Variants in IPO7 observed in about 807,000 individuals in gnomAD.
IPO7 encodes the protein importin-7.
IPO7 carries 13 observed loss-of-function variants against 136.4 expected under a neutral mutation model. The ratio of observed to expected loss-of-function variants is 0.10; its 90% CI spans 0.06 to 0.15. The LOEUF is 0.15. Ranked by LOEUF, IPO7 falls within the 10% of genes least tolerant of loss-of-function variation. IPO7 has a pLI of 1.00. For missense variants in IPO7, 857 were observed against 1,240.6 expected, an observed-to-expected ratio of 0.69 and a Z score of 4.65; for synonymous variants, 403 against 404.4, an observed-to-expected ratio of 1.00 and a Z score of 0.04.
intron 1 of IPO7, among the ~76,000 whole-genome samples, chr11:9,396,591 A>G (rs1854712593): frequency 6.6e-6 from 1 of 152,244 alleles, no homozygotes; most frequent in South Asian, 2.1e-4. Context: ...CCCCGACCCC[A>G]TTCCTAGCCC....
At chr11:9,434,781 C>G (rs1855347211) in intron 18 of IPO7, among the ~76,000 whole-genome samples, 153 bp from the exon 19 acceptor site, 1 of 152,174 alleles carries the variant, frequency 6.6e-6, no homozygotes, top group South Asian at 2.1e-4. Context: ...TCCTGAGCAA[C>G]AGAGTGAGAG....
intron 1 of IPO7, among the ~76,000 whole-genome samples, chr11:9,391,889 C>T (rs1425176529): frequency 1.3e-5 from 2 of 152,092 alleles, no homozygotes; most frequent in Admixed American, 6.6e-5. Flanking sequence ...GCCTTAGCCT[C>T]CCAACTAGCT....
intron 16 of IPO7, among the ~76,000 whole-genome samples, chr11:9,432,562 A>G (rs1855311133): frequency 6.6e-6 from 1 of 152,126 alleles, no homozygotes; most frequent in African/African-American, 2.4e-5. Context: ...GACCAATCCT[A>G]TAGGTGCTTT....
At chr11:9,425,751 C>T (rs1415226156) in intron 12 of IPO7, among the ~76,000 whole-genome samples, 13 of 151,982 alleles carry the variant, frequency 8.6e-5, no homozygotes, top group Non-Finnish European at 1.3e-4. Context: ...TGGTGGCTGG[C>T]GCCTGTAGTC....
At chr11:9,385,036 A>G (rs949968998) in intron 1 of IPO7, among the ~76,000 whole-genome samples, 189 bp downstream of exon 1, 7 of 152,092 alleles carry the variant, frequency 4.6e-5, no homozygotes, top group African/African-American at 1.7e-4. Context: ...GGCTGCAGCC[A>G]AGGCTGCCTT....
chr11:9,435,079 T>C (rs764285739), intron 19 of IPO7, 48 bp downstream of exon 19: 18 of 1,115,090 alleles, frequency 1.6e-5, no homozygotes, highest in Non-Finnish European at 2.3e-5. Context: ...TGCTATAAAA[T>C]GTATGAAATT....
intron 12 of IPO7, among the ~76,000 whole-genome samples, chr11:9,425,658 G>T (rs891321148): frequency 1.3e-5 from 2 of 152,150 alleles, no homozygotes; most frequent in African/African-American, 4.8e-5. Context: ...GGTGGATCAT[G>T]AGGTCAGGAG....
At chr11:9,420,095 G>A (rs747193762) in intron 6 of IPO7, among the ~76,000 whole-genome samples, 2 of 152,058 alleles carry the variant, frequency 1.3e-5, no homozygotes, top group Admixed American at 6.6e-5. Context: ...AGGCGGAGGC[G>A]GGTGGATCAC....
At position 9,438,201 on chromosome 11, in the gene IPO7, G is replaced by A. The variant is rs1773511975; in HGVS notation, c.2611G>A (p.Gly871Arg). 1.9e-6 allele frequency: 3 copies of A among 1,613,068 alleles called. No homozygotes were observed. The highest frequency in any genetic ancestry group is 3.3e-5 in the Admixed American group (2 of 59,916). The change falls in exon 22 of 25, where the codon GGA becomes AGA. Residue 871 changes from glycine to arginine, a missense_variant. Physicochemically the swap from Gly to Arg is moderately radical, Grantham distance 125. This residue lies in a region of IPO7 where 7 missense variants were observed against 45.6 expected (regional missense o/e 0.15). Transcript: ENST00000379719. The part of the protein sequence containing the change: ...ILPAFILLFN[G>R]LKRAYACHAE... ...GCCGGCTTTTATCCTTTTATTTAAC[G>A]GATTGAAAAGAGCATATGCCTGCCA...
chr11:9,433,479 A>T, intron 16 of IPO7, 91 bp from the exon 17 acceptor site: 1 of 799,214 alleles, frequency 1.3e-6, no homozygotes, highest in South Asian at 1.6e-5. Context: ...TATTGACTTT[A>T]TATTTAAGTG....
intron 1 of IPO7, among the ~76,000 whole-genome samples, chr11:9,389,522 C>G (rs1854598952): frequency 6.6e-6 from 1 of 152,178 alleles, no homozygotes; most frequent in African/African-American, 2.4e-5. Flanking sequence ...CACCACGTCA[C>G]TGGCCCATAC....
rs776723625 is a variant in IPO7, at chr11:9,424,943, A to T, written c.1171A>T (p.Thr391Ser). The T allele has an allele frequency of 6.3e-7, 1 of 1,590,772 alleles. No homozygotes were observed. Among genetic ancestry groups the T allele is most frequent in the Non-Finnish European group, 8.5e-7 (1 of 1,170,834 alleles). The change falls in exon 11 of 25, where the codon ACT becomes TCT. Residue 391 changes from threonine (T) to serine (S), a missense_variant. Thr to Ser is a moderately conservative substitution (Grantham distance 58). This residue lies in a region of IPO7 where 127 missense variants were observed against 222.4 expected (regional missense o/e 0.57). Coordinates refer to ENST00000379719, the MANE Select transcript of IPO7 (RefSeq NM_006391.3). ...GTTTGAAGATTTCATTTCTCCTACC[A>T]CTGCTGCCCAGACACTTTTGTTTAC... ...DVFEDFISPT[T>S]AAQTLLFTAC...
At chr11:9,423,679 A>G (rs1324108366) in intron 9 of IPO7, 98 bp from the exon 10 acceptor site, 1 of 703,476 alleles carries the variant, frequency 1.4e-6, no homozygotes, top group African/African-American at 1.8e-5. Flanking sequence ...AAGCTTTAAA[A>G]TACATATAGT....
rs1476664245 is a variant in IPO7, at chr11:9,384,787, G to A, written c.24G>A (p.Glu8=). Residue 8 remains glutamate (E), a synonymous_variant, in exon 1 of 25, where the codon GAG becomes GAA. Coordinates refer to ENST00000379719, the MANE Select transcript of IPO7 (RefSeq NM_006391.3). The part of the protein sequence containing the change: MDPNTII[E]ALRGTMDPAL... The stretch of plus-strand genomic sequence containing the variant: ...CGATGGACCCCAACACCATTATCGA[G>A]GCCCTGCGGGGCACTATGGACCCAG... 1 of 1,607,132 alleles carries A rather than the reference G, an allele frequency of 6.2e-7. No homozygotes were observed. The highest frequency in any genetic ancestry group is 2.2e-5 in the East Asian group (1 of 44,524).
At chr11:9,394,811 G>T (rs1854686329) in intron 1 of IPO7, among the ~76,000 whole-genome samples, 1 of 152,126 alleles carries the variant, frequency 6.6e-6, no homozygotes, top group Non-Finnish European at 1.5e-5. Context: ...GAATGGAGTT[G>T]GGTTTGTTGA....
At chr11:9,387,342 CAG>C (rs1012310702) in intron 1 of IPO7, among the ~76,000 whole-genome samples, 70 of 152,208 alleles carry the variant, frequency 4.6e-4, no homozygotes, top group African/African-American at 1.6e-3. Context: ...CCTTCTGCCT[CAG>C]AGTCTTTGCA....
chr11:9,384,991 C>T, intron 1 of IPO7, 144 bp downstream of exon 1: 1 of 645,334 alleles, frequency 1.5e-6, no homozygotes, highest in South Asian at 1.9e-5. Flanking sequence ...CGGCGACTTC[C>T]ACGCCGGGGC....
At chr11:9,423,220 A>T (rs530318380) in intron 9 of IPO7, 80 bp downstream of exon 9, 65 of 943,336 alleles carry the variant, frequency 6.9e-5, no homozygotes, top group Non-Finnish European at 1.0e-4. Flanking sequence ...GAAAAATTGC[A>T]TGTTTGTTGA....
chr11:9,384,995 C>T, intron 1 of IPO7, 148 bp downstream of exon 1: 1 of 643,406 alleles, frequency 1.6e-6, no homozygotes, highest in Admixed American at 2.8e-5. Flanking sequence ...GACTTCCACG[C>T]CGGGGCGCCT....
Sources: gnomAD v4.1 joint callset for allele counts (sites outside exome capture counted in the v4.1 genomes callset) on GRCh38, gnomAD v4.1.1 for gene constraint, gnomAD v4.1.1 regional missense constraint, MANE v1.5 for transcripts, NCBI Gene and HGNC (gene_info 2026-07-23, HGNC 2026-07-21) for gene names.